The following GOLGA4 variants were observed in gnomAD, a reference collection of about 807,000 sequenced individuals.
The protein encoded by GOLGA4 is golgin A4, also known as golgin subfamily A member 4.
A neutral mutation model predicts 265.9 loss-of-function variants in GOLGA4; 169 were observed. The ratio of observed to expected loss-of-function variants is 0.64; its 90% confidence interval spans 0.56 to 0.72. The LOEUF is 0.72. Among genes scored for constraint, GOLGA4 ranks in the 30% least tolerant of loss-of-function variants. The pLI, the probability that GOLGA4 is intolerant of heterozygous loss-of-function variation, is 0.00. For synonymous variants in GOLGA4, 923 were observed against 855.8 expected, an observed-to-expected ratio of 1.08 and a Z score of -1.37; for missense variants, 2,482 against 2,483.4, an observed-to-expected ratio of 1.00 and a Z score of 0.01.
Position 37,340,166 on chromosome 3 carries a change from G to A in GOLGA4, c.6439G>A (p.Val2147Ile), listed in dbSNP as rs571961856. The A allele has an allele frequency of 3.5e-6, 5 of 1,434,264 alleles. No individual in the cohort carries two copies. The highest frequency in any genetic ancestry group is 1.8e-4 in the Middle Eastern group (1 of 5,598). 88.8% of individuals were successfully genotyped at this position (1,434,264 alleles called of 1,614,324 possible). A position where few individuals can be genotyped will look rare whatever the true frequency, so the allele number is the denominator to read the frequency against. Residue 2147 changes from valine to isoleucine, a missense_variant, in exon 20 of 24, where the codon GTA (valine) becomes ATA (isoleucine). This residue lies in a region of GOLGA4 where 942 missense variants were observed against 983.1 expected (regional missense o/e 0.96). Coordinates refer to ENST00000361924, the MANE Select transcript of GOLGA4 (RefSeq NM_002078.5). ...CCGTTTGAAGAAATATGAAAAGAATGTATATGCAACAACTGTGGGGACACC... is the reference window on the plus strand; with the variant it reads ...CCGTTTGAAGAAATATGAAAAGAATATATATGCAACAACTGTGGGGACACC... ...EDRLKKYEKN[V>I]YATTVGTPYK... is the part of the protein sequence containing the mutation.
At position 37,311,170 on chromosome 3, in the gene GOLGA4, G is replaced by A. The variant is rs569752990; in HGVS notation, c.1235-4250G>A. On this transcript the variant is annotated intron_variant, in intron 10 of 23. Coordinates refer to ENST00000361924, the MANE Select transcript of GOLGA4 (RefSeq NM_002078.5). ...TTTAAACATAGTGATGAGACTCAGT[G>A]TTGGAGGCAGATTTCCTGTGAGGAA... 3.3e-5 allele frequency among the ~76,000 whole-genome samples: 5 copies of A among 152,232 alleles called. No individual in the cohort carries two copies. In the South Asian group the frequency reaches 1.0e-3, roughly 32 times the overall value.
intron 2 of GOLGA4, among the ~76,000 whole-genome samples, chr3:37,281,757 C>T (rs1179660740): frequency 6.6e-6 from 1 of 152,172 alleles, no homozygotes; most frequent in Non-Finnish European, 1.5e-5. Context: ...GGACCTGCAC[C>T]CCAGTCCTCT....
chr3:37,324,080 C>G lies in GOLGA4; in HGVS notation c.2194C>G (p.His732Asp). 1.2e-6 allele frequency: 2 copies of G among 1,614,074 alleles called. No homozygotes were observed. Among genetic ancestry groups the G allele is most frequent in the Non-Finnish European group, 1.7e-6 (2 of 1,180,014 alleles). ...EAKMDEQKNH[H>D]QQQVDSIIKE... Reference sequence around the variant, plus strand: ...CAAGATGGATGAACAGAAAAATCATCACCAGCAGCAAGTTGACAGTATCAT... The same window carrying G: ...CAAGATGGATGAACAGAAAAATCATGACCAGCAGCAAGTTGACAGTATCAT... The change falls in exon 14 of 24, where the codon CAC (histidine) becomes GAC (aspartate). Residue 732 changes from histidine (H) to aspartate (D), a missense_variant. His to Asp is a moderately conservative substitution (Grantham distance 81). Coordinates refer to ENST00000361924, the MANE Select transcript of GOLGA4 (RefSeq NM_002078.5).
At chr3:37,254,024 A>G (rs2096741329) in intron 2 of GOLGA4, among the ~76,000 whole-genome samples, 2 of 152,162 alleles carry the variant, frequency 1.3e-5, no homozygotes, top group South Asian at 4.1e-4. Context: ...TCAAAAAAAA[A>G]AAAAAAATGG....
chr3:37,286,303 G>A (rs1190436149), intron 4 of GOLGA4, among the ~76,000 whole-genome samples: 2 of 150,292 alleles, frequency 1.3e-5, no homozygotes, highest in Admixed American at 6.6e-5. Flanking sequence ...ACAGGCGCCC[G>A]CCACCGCGCC....
intron 2 of GOLGA4, among the ~76,000 whole-genome samples, chr3:37,270,486 G>A (rs2096795806): frequency 6.6e-6 from 1 of 152,096 alleles, no homozygotes; most frequent in African/African-American, 2.4e-5. Flanking sequence ...CCAAAGTGCT[G>A]GGATTACAGG....
intron 22 of GOLGA4, among the ~76,000 whole-genome samples, chr3:37,357,266 T>G (rs1435835916): frequency 1.3e-5 from 2 of 152,158 alleles, no homozygotes; most frequent in East Asian, 3.8e-4. Context: ...ACTATTCCTT[T>G]AAGCAAAGTC....
Position 37,328,600 on chromosome 3 carries a change from C to T in GOLGA4, c.6061+63C>T, listed in dbSNP as rs534573748. 3.4e-6 allele frequency: 5 copies of T among 1,455,592 alleles called. No homozygotes were observed. In the South Asian group the frequency reaches 6.5e-5, roughly 19 times the overall value. 90.2% of individuals were successfully genotyped at this position (1,455,592 alleles called of 1,614,324 possible). On this transcript the variant is annotated intron_variant, in intron 15 of 23. Coordinates refer to ENST00000361924, the MANE Select transcript of GOLGA4 (RefSeq NM_002078.5). ...AGCAGAGGCTATAATTTAAGCTTATCATTTTTGCAGTGGTGGTAAGTGCAT... is the reference window on the plus strand; with the variant it reads ...AGCAGAGGCTATAATTTAAGCTTATTATTTTTGCAGTGGTGGTAAGTGCAT...
chr3:37,348,005 G>A (rs2097061369), intron 21 of GOLGA4, among the ~76,000 whole-genome samples: 1 of 151,778 alleles, frequency 6.6e-6, no homozygotes, highest in African/African-American at 2.4e-5. Context: ...CTGTTTTTTT[G>A]ACATTTTTTA....
chr3:37,286,316 G>A (rs1420007940), intron 4 of GOLGA4, among the ~76,000 whole-genome samples: 2 of 150,196 alleles, frequency 1.3e-5, no homozygotes, highest in East Asian at 3.9e-4. Flanking sequence ...ACCGCGCCCG[G>A]CTAATTTTTT....
chr3:37,334,369 A>T (rs909370477), intron 16 of GOLGA4, among the ~76,000 whole-genome samples: 1 of 149,496 alleles, frequency 6.7e-6, no homozygotes, highest in Non-Finnish European at 1.5e-5. Context: ...ACAGTAACTC[A>T]TTTTTTTTTT....
Position 37,361,256 on chromosome 3 carries a change from G to T in GOLGA4, c.6677G>T (p.Arg2226Leu), listed in dbSNP as rs773081235. Residue 2226 changes from arginine to leucine, a missense_variant, in exon 23 of 24, where the codon CGC becomes CTC. Arg to Leu is a moderately radical substitution (Grantham distance 102). This residue lies in a region of GOLGA4 where 942 missense variants were observed against 983.1 expected (regional missense o/e 0.96). Transcript: ENST00000361924. ...CTGGCTTTGTAGTTTACTTCACCTC[G>T]CAGTGGTATCTTCTGAGTAAACCAT... ...EDARLMFTSPRSGIF is the reference protein window; with the variant it reads ...EDARLMFTSPLSGIF The T allele has an allele frequency of 2.2e-5, 36 of 1,612,420 alleles. No individual in the cohort carries two copies. Among genetic ancestry groups the T allele is most frequent in the Non-Finnish European group, 2.9e-5 (34 of 1,178,746 alleles).
intron 20 of GOLGA4, among the ~76,000 whole-genome samples, chr3:37,344,431 C>G (rs1370628765): frequency 6.6e-6 from 1 of 151,318 alleles, no homozygotes; most frequent in African/African-American, 2.4e-5. Flanking sequence ...AGATCTGTTT[C>G]TGCTACCTCT....
intron 16 of GOLGA4, among the ~76,000 whole-genome samples, chr3:37,332,672 T>C (rs2096994801): frequency 6.6e-6 from 1 of 152,174 alleles, no homozygotes; most frequent in East Asian, 1.9e-4. Context: ...ATTCCTCCTG[T>C]GTTCTGTGTC....
At chr3:37,342,717 T>G (rs568533094) in intron 20 of GOLGA4, among the ~76,000 whole-genome samples, 3 of 152,302 alleles carry the variant, frequency 2.0e-5, no homozygotes, top group African/African-American at 7.2e-5. Context: ...CTAGGACATG[T>G]GGAAATTTTT....
At chr3:37,361,488 C>T (rs897656423) in intron 23 of GOLGA4, among the ~76,000 whole-genome samples, 183 bp downstream of exon 23, 2 of 152,096 alleles carry the variant, frequency 1.3e-5, no homozygotes, top group African/African-American at 4.8e-5. Flanking sequence ...TTACTACCAC[C>T]AGTAAGAGTT....
intron 22 of GOLGA4, among the ~76,000 whole-genome samples, chr3:37,357,641 G>C (rs1444013774): frequency 1.3e-5 from 2 of 152,128 alleles, no homozygotes; most frequent in Admixed American, 1.3e-4. Flanking sequence ...TGTTTCACGA[G>C]TATAAGAAAG....
In GOLGA4 at chr3:37,327,785, C is replaced by G; in HGVS notation, c.5899C>G (p.Leu1967Val). 6.2e-7 allele frequency: 1 copy of G among 1,610,916 alleles called. No homozygotes were observed. The highest frequency in any genetic ancestry group is 2.2e-5 in the East Asian group (1 of 44,860). Residue 1967 changes from leucine (L) to valine (V), a missense_variant, in exon 14 of 24, where the codon CTA (leucine) becomes GTA (valine). Physicochemically the swap from Leu to Val is conservative, Grantham distance 32 (BLOSUM62 1). Around this residue, in one of 3 missense-constraint regions of GOLGA4, gnomAD observed 942 missense variants for 983.1 expected, o/e 0.96. Transcript: ENST00000361924. ...GGAGCATCAGCAAGAATTGGAAATACTAAAGAAAGAATATGATCAAGAAAG... is the reference window on the plus strand; with the variant it reads ...GGAGCATCAGCAAGAATTGGAAATAGTAAAGAAAGAATATGATCAAGAAAG... ...RKEHQQELEI[L>V]KKEYDQEREE... is the part of the protein sequence containing the mutation.
At position 37,306,748 on chromosome 3, in the gene GOLGA4, C is replaced by T. The variant is rs562551883; in HGVS notation, c.1234+4416C>T. On this transcript the variant is annotated intron_variant, in intron 10 of 23. Transcript: ENST00000361924. ...TAGCATTATGTTATTGACACTTTTA[C>T]GTGTTGCTAAAGTTAATATATTTTA... Among the ~76,000 whole-genome samples the T allele has an allele frequency of 2.0e-5, 3 of 151,912 alleles. No homozygotes were observed. The South Asian group carries it at 6.2e-4, about 32-fold the overall frequency.
Sources: allele counts gnomAD v4.1 joint callset (sites outside exome capture counted in the v4.1 genomes callset), GRCh38; gene constraint gnomAD v4.1.1; regional missense constraint gnomAD v4.1.1; transcripts MANE v1.5; gene names NCBI Gene and HGNC (gene_info 2026-07-23, HGNC 2026-07-21).